Variants in ASXL1 observed in about 807,000 individuals in gnomAD.
The protein encoded by ASXL1 is polycomb group protein ASXL1.
In ASXL1, 65 loss-of-function variants were observed where a neutral mutation model predicts 89.1. That is an observed-to-expected ratio of 0.73 (90% CI 0.60 to 0.90). The LOEUF is 0.90. Among genes scored for constraint, ASXL1 ranks in the 40% least tolerant of loss-of-function variants. The probability of loss-of-function intolerance (pLI) is 0.00; values close to 1 mark genes in which losing one functional copy is unlikely to be tolerated. For missense variants in ASXL1, 1,786 were observed against 1,942.9 expected (o/e 0.92, Z 1.52); for synonymous variants, 739 against 746.9 (o/e 0.99, Z 0.17).
chr20:32,389,978 A>AT (rs1217946076), intron 4 of ASXL1, among the ~76,000 whole-genome samples: 2 of 152,268 alleles, frequency 1.3e-5, no homozygotes, highest in Non-Finnish European at 2.9e-5. Flanking sequence ...ATTTAAATAT[A>AT]TGCCATATAT....
intron 1 of ASXL1, among the ~76,000 whole-genome samples, chr20:32,365,025 T>C (rs532083007): frequency 6.6e-6 from 1 of 152,288 alleles, no homozygotes; most frequent in South Asian, 2.1e-4. Flanking sequence ...ATTAGGTGAT[T>C]ATACAGGCTG....
Position 32,435,536 on chromosome 20 carries a change from G to T in ASXL1, c.2824G>T (p.Gly942Trp). ...TGCTCCCACCCCTCCTGCATTGCCT[G>T]GGGATTTGACAGCTGAGGAGGGTCT... is the stretch of plus-strand genomic sequence containing the variant. ...KAAPTPPALP[G>W]DLTAEEGLDP... is the part of the protein sequence containing the mutation. Residue 942 changes from glycine (G) to tryptophan (W), a missense_variant, in exon 13 of 13, where the codon GGG (glycine) becomes TGG (tryptophan). Gly to Trp is a radical substitution (Grantham distance 184). Around this residue, in one of 3 missense-constraint regions of ASXL1, gnomAD observed 1,418 missense variants for 1,427.8 expected, o/e 0.99. Transcript: ENST00000375687. The T allele has an allele frequency of 6.2e-7, 1 of 1,614,076 alleles. No homozygotes were observed. Among genetic ancestry groups the T allele is most frequent in the South Asian group, 1.1e-5 (1 of 91,078 alleles).
In ASXL1 at chr20:32,433,080, A is replaced by C. The variant is rs56016114; in HGVS notation, c.1085+95A>C. The C allele has an allele frequency of 7.7e-3, 12,102 of 1,567,986 alleles. 48 individuals carry two copies. The highest frequency in any genetic ancestry group is 9.5e-3 in the Non-Finnish European group (10,965 of 1,157,590). On this transcript the variant is annotated intron_variant, in intron 11 of 12. Coordinates refer to ENST00000375687, the MANE Select transcript of ASXL1 (RefSeq NM_015338.6). ...GCATATACTTATGTGTTGGACAAGA[A>C]TGTGGAGATTGCAGTGACACTTGGG...
Position 32,389,305 on chromosome 20 carries a change from T to C in ASXL1, c.252+20182T>C, listed in dbSNP as rs188792060. On this transcript the variant is annotated intron_variant, in intron 4 of 12. Coordinates refer to ENST00000375687, the MANE Select transcript of ASXL1 (RefSeq NM_015338.6). ...TGCATTTATAGAAATACTTCATATTTTCTGCTGTGTATCATCTTATGCTAT... is the reference window on the plus strand; with the variant it reads ...TGCATTTATAGAAATACTTCATATTCTCTGCTGTGTATCATCTTATGCTAT... 1.5e-3 allele frequency among the ~76,000 whole-genome samples: 229 copies of C among 152,350 alleles called. 2 individuals carry two copies. The highest frequency in any genetic ancestry group is 5.1e-3 in the African/African-American group (211 of 41,574).
chr20:32,364,414 C>T (rs1251612631), intron 1 of ASXL1, among the ~76,000 whole-genome samples: 8 of 149,270 alleles, frequency 5.4e-5, no homozygotes, highest in Non-Finnish European at 8.9e-5. Flanking sequence ...GACAGGGTTT[C>T]ACCATGTCGC....
At chr20:32,407,291 C>T (rs992098163) in intron 4 of ASXL1, among the ~76,000 whole-genome samples, 17 of 151,162 alleles carry the variant, frequency 1.1e-4, no homozygotes, top group African/African-American at 3.9e-4. Flanking sequence ...TTGCAGTGAG[C>T]TGAGATCGTG....
Position 32,358,713 on chromosome 20 carries a change from A to C in ASXL1, c.-63A>C, listed in dbSNP as rs2048054377. The C allele has an allele frequency of 3.1e-6, 3 of 974,840 alleles. No individual in the cohort carries two copies. The highest frequency in any genetic ancestry group is 2.8e-6 in the Non-Finnish European group (2 of 720,858). The allele number at this position is 974,840 out of a possible 1,614,324, so 60.4% of individuals were successfully genotyped here. A position where few individuals can be genotyped will look rare whatever the true frequency, so the allele number is the denominator to read the frequency against. Reference sequence around the variant, plus strand: ...GCCGCCGCCGCCCCAGCCCCGCGCCACCGCCCCAGCCCGCCCAGCCCGGAG... The same window carrying C: ...GCCGCCGCCGCCCCAGCCCCGCGCCCCCGCCCCAGCCCGCCCAGCCCGGAG... On this transcript the variant is annotated 5_prime_UTR_variant, in exon 1 of 13. Transcript: ENST00000375687.
At position 32,436,857 on chromosome 20, in the gene ASXL1, C is replaced by G. The variant is rs2145392826; in HGVS notation, c.4145C>G (p.Ala1382Gly). 2 of 1,614,134 alleles carry G rather than the reference C, an allele frequency of 1.2e-6. No individual in the cohort carries two copies. Among genetic ancestry groups the G allele is most frequent in the Non-Finnish European group, 1.7e-6 (2 of 1,180,030 alleles). The change falls in exon 13 of 13, where the codon GCC (alanine) becomes GGC (glycine). Residue 1382 changes from alanine (A) to glycine (G), a missense_variant. Transcript: ENST00000375687. ...GTGGGGGGTCCTCTTAAGGCAAATG[C>G]CGAGAACAGGAAAGCTACTGGGCAT... is the stretch of plus-strand genomic sequence containing the variant. ...TFVGGPLKAN[A>G]ENRKATGHSP...
At chr20:32,432,519 G>C in intron 10 of ASXL1, 1 of 325,636 alleles carries the variant, frequency 3.1e-6, no homozygotes, top group Non-Finnish European at 5.9e-6. Context: ...AGTTAGGGTG[G>C]TTGGGAACCC....
At chr20:32,415,817 A>G (rs751993138) in intron 4 of ASXL1, among the ~76,000 whole-genome samples, 3 of 152,048 alleles carry the variant, frequency 2.0e-5, no homozygotes, top group Non-Finnish European at 4.4e-5. Flanking sequence ...CTGTTCCCTT[A>G]TAGTCATTCT....
intron 4 of ASXL1, among the ~76,000 whole-genome samples, chr20:32,421,234 AT>A (rs202162551): frequency 8.2e-4 from 121 of 148,418 alleles, no homozygotes; most frequent in African/African-American, 1.2e-3. Context: ...TTAAAGTAAA[AT>A]TTAAAAAAAA....
intron 1 of ASXL1, chr20:32,360,033 T>C: frequency 1.8e-6 from 1 of 549,590 alleles, no homozygotes. Context: ...CTCTCTTATT[T>C]TGAAGTGAGT....
intron 6 of ASXL1, chr20:32,428,652 CTTTTTTT>C (rs35966674): frequency 6.4e-4 from 94 of 147,844 alleles, no homozygotes; most frequent in East Asian, 1.8e-3. Context: ...TTTGTTCATT[CTTTTTTT>C]TTTTTTTTTT....
At chr20:32,399,747 CT>C (rs369127811) in intron 4 of ASXL1, among the ~76,000 whole-genome samples, 2,058 of 73,390 alleles carry the variant, frequency 0.028, 43 homozygotes, top group African/African-American at 0.041. Flanking sequence ...ATATTTTACT[CT>C]TTTTTTTTTT....
chr20:32,358,577 C>CGCCCCTCCCCCACCGCCGCT lies in ASXL1; in HGVS notation c.-198_-179dup, dbSNP rs1231851623. The CGCCCCTCCCCCACCGCCGCT allele has an allele frequency of 2.0e-5, 4 of 199,154 alleles. No homozygotes were observed. Among genetic ancestry groups the CGCCCCTCCCCCACCGCCGCT allele is most frequent in the African/African-American group, 4.6e-5 (2 of 43,184 alleles). 12.3% of individuals were successfully genotyped at this position (199,154 alleles called of 1,614,324 possible). ...CAGCGCGGGCGCGTGGAGCCGCCGC[C>CGCCCCTCCCCCACCGCCGCT]GCCCCTCCCCCACCGCCGCTCTCGC... On this transcript the variant is annotated 5_prime_UTR_variant, in exon 1 of 13. Coordinates refer to ENST00000375687, the MANE Select transcript of ASXL1 (RefSeq NM_015338.6).
chr20:32,428,298 A>G (rs759258073), intron 5 of ASXL1, 27 bp from the exon 6 acceptor site: 24 of 1,614,148 alleles, frequency 1.5e-5, no homozygotes, highest in Non-Finnish European at 1.9e-5. Flanking sequence ...GGCACTAGGG[A>G]CTAACCTTTA....
At chr20:32,366,245 T>C in intron 1 of ASXL1, 139 bp from the exon 2 acceptor site, 1 of 745,480 alleles carries the variant, frequency 1.3e-6, no homozygotes, top group East Asian at 2.7e-5. Context: ...TGTAATTTGA[T>C]TTCTGAAGTA....
chr20:32,378,390 T>A (rs1267150060), intron 4 of ASXL1, among the ~76,000 whole-genome samples: 1 of 152,166 alleles, frequency 6.6e-6, no homozygotes, highest in Non-Finnish European at 1.5e-5. Context: ...GGCGTCAGGT[T>A]GGCACTCCAA....
chr20:32,358,875 G>A (rs770114307), intron 1 of ASXL1, 43 bp downstream of exon 1: 1 of 1,459,576 alleles, frequency 6.9e-7, no homozygotes, highest in Admixed American at 2.6e-5. Flanking sequence ...GCCCGGGGTG[G>A]GGGGGGCTCG....
Sources: allele counts gnomAD v4.1 joint callset (sites outside exome capture counted in the v4.1 genomes callset), GRCh38; gene constraint gnomAD v4.1.1; regional missense constraint gnomAD v4.1.1; transcripts MANE v1.5; gene names NCBI Gene and HGNC (gene_info 2026-07-23, HGNC 2026-07-21).